CACNA1D: variants seen among roughly 807,000 people sequenced by gnomAD.
The protein encoded by CACNA1D is calcium voltage-gated channel subunit alpha1 D, also known as voltage-dependent L-type calcium channel subunit alpha-1D.
A neutral mutation model predicts 257.1 loss-of-function variants in CACNA1D; 55 were observed. That is an observed-to-expected ratio of 0.21 (90% confidence interval 0.17 to 0.27). The LOEUF (loss-of-function observed/expected upper bound fraction) is 0.27. CACNA1D is among the 10% of genes least tolerant of loss of function. The pLI is 1.00. For synonymous variants in CACNA1D, 980 were observed against 1,014.9 expected, an observed-to-expected ratio of 0.97 and a Z score of 0.65; for missense variants, 1,876 against 2,784.0, an observed-to-expected ratio of 0.67 and a Z score of 7.34.
At chr3:53,553,695 T>A (rs1454233535) in intron 3 of CACNA1D, among the ~76,000 whole-genome samples, 2 of 151,964 alleles carry the variant, frequency 1.3e-5, no homozygotes, top group African/African-American at 4.8e-5. Context: ...CTATGACAAG[T>A]CACATGTACA....
At chr3:53,555,358 G>A (rs766956151) in intron 3 of CACNA1D, among the ~76,000 whole-genome samples, 6 of 151,998 alleles carry the variant, frequency 3.9e-5, no homozygotes, top group Non-Finnish European at 7.4e-5. Flanking sequence ...CTTTGCCCGT[G>A]GAGTTCAGTG....
At chr3:53,666,029 C>G (rs1312156693) in intron 6 of CACNA1D, among the ~76,000 whole-genome samples, 1 of 152,082 alleles carries the variant, frequency 6.6e-6, no homozygotes, top group African/African-American at 2.4e-5. Flanking sequence ...TGTGTCCTGG[C>G]AAACAAGATA....
chr3:53,748,233 A>AC (rs2095190065), intron 26 of CACNA1D, among the ~76,000 whole-genome samples: 1 of 152,004 alleles, frequency 6.6e-6, no homozygotes, highest in African/African-American at 2.4e-5. Context: ...TGGAGCTCCC[A>AC]CCCCCAGCTC....
chr3:53,613,698 T>C (rs1463531763), intron 3 of CACNA1D, among the ~76,000 whole-genome samples: 10 of 152,176 alleles, frequency 6.6e-5, no homozygotes, highest in Admixed American at 5.2e-4. Flanking sequence ...AATGTCTTCT[T>C]GTCCCACTAA....
At chr3:53,732,216 C>A (rs868099922) in intron 18 of CACNA1D, 134 bp downstream of exon 18, 5 of 727,126 alleles carry the variant, frequency 6.9e-6, no homozygotes, top group Middle Eastern at 7.2e-4. Flanking sequence ...GGCCGTGGGA[C>A]CAGTTAGCTC....
Position 53,497,327 on chromosome 3 carries a change from C to T in CACNA1D, c.243C>T (p.Ser81=), listed in dbSNP as rs2090393991. The T allele has an allele frequency of 6.2e-7, 1 of 1,614,020 alleles. No homozygotes were observed. The highest frequency in any genetic ancestry group is 8.5e-7 in the Non-Finnish European group (1 of 1,180,040). Residue 81 remains serine, a synonymous_variant, in exon 2 of 48, where the codon TCC becomes TCT. Transcript: ENST00000350061. ...TSAPPPVGSL[S]QRKRQQYAKS... ...CACCCCCACCTGTAGGATCTCTCTC[C>T]CAAAGAAAACGTCAGCAATACGCCA...
rs774789847 is a variant in CACNA1D at position 53,749,341 on chromosome 3, ATCT to A, written c.3394_3396del (p.Phe1132del). On this transcript the variant is annotated inframe_deletion, in exon 27 of 48. Coordinates refer to ENST00000350061, the MANE Select transcript of CACNA1D (RefSeq NM_001128840.3). Reference sequence around the variant, plus strand: ...CTACAACCACCGCGTGGAGATCTCCATCTTCTTCATCATCTACATCATCATTGT... The same window carrying A: ...CTACAACCACCGCGTGGAGATCTCCATCTTCATCATCTACATCATCATTGT... 1 of 1,612,408 alleles carries A rather than the reference ATCT, an allele frequency of 6.2e-7. No individual in the cohort carries two copies. Among genetic ancestry groups the A allele is most frequent in the Non-Finnish European group, 8.5e-7 (1 of 1,178,874 alleles).
chr3:53,521,269 C>T (rs1038097675), intron 3 of CACNA1D, among the ~76,000 whole-genome samples: 3 of 152,108 alleles, frequency 2.0e-5, no homozygotes, highest in South Asian at 2.1e-4. Context: ...TCTTGAAATC[C>T]TGGCCTCAAG....
chr3:53,809,909 G>T (rs2095587245), intron 46 of CACNA1D, 69 bp from the exon 47 acceptor site: 1 of 1,452,452 alleles, frequency 6.9e-7, no homozygotes, highest in African/African-American at 1.4e-5. Context: ...TGCTTGGTCT[G>T]TGCGCAGAAG....
chr3:53,742,892 T>C, intron 21 of CACNA1D, 119 bp from the exon 22 acceptor site: 2 of 759,504 alleles, frequency 2.6e-6, no homozygotes, highest in South Asian at 2.9e-5. Context: ...TTTACATTTC[T>C]GACTTCTTAA....
At chr3:53,597,020 G>T (rs2093379288) in intron 3 of CACNA1D, among the ~76,000 whole-genome samples, 1 of 152,074 alleles carries the variant, frequency 6.6e-6, no homozygotes, top group East Asian at 1.9e-4. Context: ...ACCTGAAAAT[G>T]CATTAAATGT....
chr3:53,811,050 C>T lies in CACNA1D; in HGVS notation c.6193-63C>T, dbSNP rs1489287965. On this transcript the variant is annotated intron_variant, in intron 47 of 47. Transcript: ENST00000350061. The surrounding 1 kb of genome is among the most constrained non-coding windows in gnomAD (Gnocchi z 4.2). ...TTAGCACTGGAGTTGATTTTTCTGT[C>T]GTCCCCCTGCCCTGCAAAGCCTTAT... 5 of 1,324,554 alleles carry T rather than the reference C, an allele frequency of 3.8e-6. No homozygotes were observed. The highest frequency in any genetic ancestry group is 2.4e-5 in the South Asian group (2 of 84,754). 82.1% of individuals were successfully genotyped at this position (1,324,554 alleles called of 1,614,324 possible).
intron 40 of CACNA1D, among the ~76,000 whole-genome samples, chr3:53,787,651 G>T (rs989059325): frequency 6.6e-6 from 1 of 152,100 alleles, no homozygotes; most frequent in Non-Finnish European, 1.5e-5. Context: ...CCTTGCATGC[G>T]AGGAATGTAG....
At chr3:53,524,460 T>C (rs1032003378) in intron 3 of CACNA1D, among the ~76,000 whole-genome samples, 2 of 152,362 alleles carry the variant, frequency 1.3e-5, no homozygotes, top group East Asian at 3.9e-4. Flanking sequence ...TAAGCATCAG[T>C]TTAGCACCAG....
intron 3 of CACNA1D, among the ~76,000 whole-genome samples, chr3:53,626,901 G>A (rs528092407): frequency 6.6e-6 from 1 of 152,238 alleles, no homozygotes; most frequent in East Asian, 1.9e-4. Context: ...TCTGATTTAA[G>A]ACTCCTTCTT....
intron 20 of CACNA1D, among the ~76,000 whole-genome samples, chr3:53,737,571 C>T (rs996928291): frequency 1.3e-5 from 2 of 152,076 alleles, no homozygotes; most frequent in African/African-American, 2.4e-5. Context: ...GCCTGTAATC[C>T]CAGTACTTTG....
chr3:53,627,279 CAG>C (rs1411502869), intron 3 of CACNA1D, among the ~76,000 whole-genome samples: 1 of 152,140 alleles, frequency 6.6e-6, no homozygotes, highest in Non-Finnish European at 1.5e-5. Flanking sequence ...GGTGAGATCC[CAG>C]AGAGAGCTCA....
chr3:53,667,678 A>G (rs2094281202), intron 7 of CACNA1D, among the ~76,000 whole-genome samples: 1 of 152,188 alleles, frequency 6.6e-6, no homozygotes, highest in African/African-American at 2.4e-5. Flanking sequence ...ATGTCCCTAT[A>G]TATTTAATAT....
chr3:53,596,812 T>G (rs996292330), intron 3 of CACNA1D, among the ~76,000 whole-genome samples: 2 of 152,216 alleles, frequency 1.3e-5, no homozygotes, highest in Non-Finnish European at 2.9e-5. Context: ...AGATACTAAG[T>G]TTGTGTTGTT....
Sources: allele counts gnomAD v4.1 joint callset (sites outside exome capture counted in the v4.1 genomes callset), GRCh38; gene constraint gnomAD v4.1.1; non-coding constraint Gnocchi (gnomAD v3.1); transcripts MANE v1.5; gene names NCBI Gene and HGNC (gene_info 2026-07-23, HGNC 2026-07-21).